CCBE1: variants seen among roughly 807,000 people sequenced by gnomAD.
CCBE1 encodes collagen and calcium binding EGF domains 1.
CCBE1 carries 37 observed loss-of-function variants against 50.0 expected under a neutral mutation model. That is an observed-to-expected ratio of 0.74 (90% CI 0.57 to 0.97). The LOEUF (loss-of-function observed/expected upper bound fraction) is 0.97. CCBE1 is among the 50% of genes least tolerant of loss of function. CCBE1 has a pLI of 0.00. For missense variants in CCBE1, 538 were observed against 523.8 expected, an observed-to-expected ratio of 1.03 and a Z score of -0.26; for synonymous variants, 234 against 203.7, an observed-to-expected ratio of 1.15 and a Z score of -1.27.
At chr18:59,665,693 A>C (rs117191585) in intron 2 of CCBE1, among the ~76,000 whole-genome samples, 319 of 152,228 alleles carry the variant, frequency 2.1e-3, no homozygotes, top group Non-Finnish European at 3.5e-3. Context: ...CAACAGCAGC[A>C]CTGTTTACGG....
At chr18:59,630,605 C>T (rs2053837995) in intron 2 of CCBE1, among the ~76,000 whole-genome samples, 1 of 152,146 alleles carries the variant, frequency 6.6e-6, no homozygotes, top group Non-Finnish European at 1.5e-5. Flanking sequence ...GGTATCTTTG[C>T]AAGGATGGCT....
chr18:59,497,974 G>A (rs540364480), intron 2 of CCBE1, among the ~76,000 whole-genome samples: 11 of 152,328 alleles, frequency 7.2e-5, no homozygotes, highest in South Asian at 6.2e-4. Context: ...CTGACTGGTC[G>A]TTAAGATAGG....
Position 59,431,044 on chromosome 18 carries a change from G to A in CCBE1, c.*4864C>T, listed in dbSNP as rs921405457. 6.6e-6 allele frequency: 1 copy of A among 152,200 alleles called. No individual in the cohort carries two copies. Among genetic ancestry groups the A allele is most frequent in the African/African-American group, 2.4e-5 (1 of 41,448 alleles). 9.4% of individuals were successfully genotyped at this position (152,200 alleles called of 1,614,324 possible). A position where few individuals can be genotyped will look rare whatever the true frequency, so the allele number is the denominator to read the frequency against. On this transcript the variant is annotated 3_prime_UTR_variant, in exon 11 of 11. Transcript: ENST00000439986. Reference sequence around the variant, plus strand: ...GCTAACTTGACTGTTACATGGACCTGTTACAAATAATGAACAACAGAGCTA... The same window carrying A: ...GCTAACTTGACTGTTACATGGACCTATTACAAATAATGAACAACAGAGCTA...
intron 2 of CCBE1, among the ~76,000 whole-genome samples, chr18:59,606,205 T>C (rs2053497141): frequency 6.6e-6 from 1 of 152,344 alleles, no homozygotes; most frequent in East Asian, 1.9e-4. Context: ...ATGTTTTGCA[T>C]ACTCCATGAG....
intron 2 of CCBE1, among the ~76,000 whole-genome samples, chr18:59,480,764 T>A (rs1380049213): frequency 2.0e-5 from 3 of 151,830 alleles, no homozygotes; most frequent in Non-Finnish European, 2.9e-5. Flanking sequence ...TTTTTTTTTT[T>A]AAAACACTTG....
intron 3 of CCBE1, among the ~76,000 whole-genome samples, chr18:59,479,762 G>C (rs935512787): frequency 3.3e-5 from 5 of 152,166 alleles, no homozygotes; most frequent in Non-Finnish European, 5.9e-5. Context: ...ATCTCTATCT[G>C]AGTGCTGGGT....
chr18:59,534,217 G>A (rs908172190), intron 2 of CCBE1, among the ~76,000 whole-genome samples: 3 of 152,182 alleles, frequency 2.0e-5, no homozygotes, highest in Non-Finnish European at 2.9e-5. Flanking sequence ...GAAGTCTACC[G>A]ACCTCAAAAT....
At chr18:59,526,190 A>G (rs1484218125) in intron 2 of CCBE1, among the ~76,000 whole-genome samples, 1 of 151,790 alleles carries the variant, frequency 6.6e-6, no homozygotes, top group Non-Finnish European at 1.5e-5. Flanking sequence ...TTTTTCGTGT[A>G]TCTATCTCCT....
intron 2 of CCBE1, among the ~76,000 whole-genome samples, chr18:59,597,851 G>A (rs1053973802): frequency 3.9e-5 from 6 of 152,180 alleles, no homozygotes; most frequent in African/African-American, 1.2e-4. Context: ...GTTACCTGAC[G>A]TCAGGATAAC....
chr18:59,605,884 G>A (rs2053491480), intron 2 of CCBE1, among the ~76,000 whole-genome samples: 1 of 152,156 alleles, frequency 6.6e-6, no homozygotes, highest in Non-Finnish European at 1.5e-5. Context: ...GGGAGGAAAA[G>A]GTGAAGGTGG....
chr18:59,579,243 T>C (rs1014247864), intron 2 of CCBE1, among the ~76,000 whole-genome samples: 1 of 152,114 alleles, frequency 6.6e-6, no homozygotes, highest in African/African-American at 2.4e-5. Flanking sequence ...TAAAAGTAGC[T>C]GGGAAAACAA....
chr18:59,530,324 A>G (rs944848620), intron 2 of CCBE1, among the ~76,000 whole-genome samples: 3 of 152,196 alleles, frequency 2.0e-5, no homozygotes, highest in Non-Finnish European at 4.4e-5. Flanking sequence ...AAAAATGCTA[A>G]AAGATGGCAG....
chr18:59,466,829 C>T lies in CCBE1; in HGVS notation c.463G>A (p.Gly155Ser), dbSNP rs1269189527. The change falls in exon 5 of 11, where the codon GGC becomes AGC. Residue 155 changes from glycine to serine, a missense_variant. Coordinates refer to ENST00000439986, the MANE Select transcript of CCBE1 (RefSeq NM_133459.4). ...TCCCGGCACTCGCAGCGGTAGCTGC[C>T]CAAGGTATTGATGCAGATGTGGGCA... ...LCAHICINTL[G>S]SYRCECREGY... is the part of the protein sequence containing the mutation. 1 of 1,613,412 alleles carries T rather than the reference C, an allele frequency of 6.2e-7. No individual in the cohort carries two copies. Among genetic ancestry groups the T allele is most frequent in the Non-Finnish European group, 8.5e-7 (1 of 1,179,770 alleles).
chr18:59,477,538 CTGTGTGTG>C (rs55840819), intron 3 of CCBE1, among the ~76,000 whole-genome samples: 22 of 149,996 alleles, frequency 1.5e-4, no homozygotes, highest in Admixed American at 6.6e-4. Context: ...TTCCATGTCT[CTGTGTGTG>C]TGTGTGTGTG....
chr18:59,534,802 C>T (rs937591488), intron 2 of CCBE1, among the ~76,000 whole-genome samples: 1 of 152,194 alleles, frequency 6.6e-6, no homozygotes, highest in African/African-American at 2.4e-5. Flanking sequence ...CTGGAATTCA[C>T]AGCCTGTACA....
intron 2 of CCBE1, among the ~76,000 whole-genome samples, chr18:59,664,086 C>A (rs2054321087): frequency 6.6e-6 from 1 of 152,136 alleles, no homozygotes; most frequent in African/African-American, 2.4e-5. Flanking sequence ...AGGATGCCAG[C>A]ATGATTGGGT....
rs536646751 is a variant in CCBE1 at position 59,691,696 on chromosome 18, G to A, written c.212+4933C>T. Reference sequence around the variant, plus strand: ...TGGGATTACAGGCGTGAGCCACCGCGCCCAGCTAGAGTTCTTCACAACTTT... The same window carrying A: ...TGGGATTACAGGCGTGAGCCACCGCACCCAGCTAGAGTTCTTCACAACTTT... On this transcript the variant is annotated intron_variant, in intron 2 of 10. Coordinates refer to ENST00000439986, the MANE Select transcript of CCBE1 (RefSeq NM_133459.4). Among the ~76,000 whole-genome samples, 142 of 152,302 alleles carry A rather than the reference G, an allele frequency of 9.3e-4. 1 individual carries two copies. Among genetic ancestry groups the A allele is most frequent in the Middle Eastern group, 3.4e-3 (1 of 294 alleles).
intron 2 of CCBE1, among the ~76,000 whole-genome samples, chr18:59,680,433 GTTTGCA>G (rs1371412148): frequency 6.6e-6 from 1 of 151,606 alleles, no homozygotes; most frequent in Non-Finnish European, 1.5e-5. Context: ...AGGCGCGGTG[GTTTGCA>G]TGTAATCCCA....
At chr18:59,451,779 G>T (rs764241710) in intron 6 of CCBE1, among the ~76,000 whole-genome samples, 3 of 151,948 alleles carry the variant, frequency 2.0e-5, no homozygotes, top group East Asian at 3.9e-4. Flanking sequence ...TAACAAACCC[G>T]CCCATCCTGC....
Sources: gnomAD v4.1 joint callset for allele counts (sites outside exome capture counted in the v4.1 genomes callset) on GRCh38, gnomAD v4.1.1 for gene constraint, MANE v1.5 for transcripts, NCBI Gene and HGNC (gene_info 2026-07-23, HGNC 2026-07-21) for gene names.